SLC9B2: variants seen among roughly 807,000 people sequenced by gnomAD.
SLC9B2 encodes sodium/hydrogen exchanger 9B2.
Under a neutral mutation model 52.2 loss-of-function variants are expected in SLC9B2, and 39 were observed. The observed-to-expected ratio is 0.75, with a 90% CI of 0.58 to 0.98. The LOEUF is 0.98. SLC9B2 is among the 50% of genes least tolerant of loss of function. The probability of loss-of-function intolerance (pLI) is 0.00; values close to 1 mark genes in which losing one functional copy is unlikely to be tolerated. For synonymous variants in SLC9B2, 214 were observed against 227.0 expected (o/e 0.94, Z 0.51); for missense variants, 626 against 637.5 (o/e 0.98, Z 0.19).
At chr4:103,018,151 A>C (rs1741494304), downstream of SLC9B2, among the ~76,000 whole-genome samples, 4 of 152,362 alleles carry the variant, frequency 2.6e-5, no homozygotes, top group South Asian at 8.3e-4. Context: ...AAGTGTTTAA[A>C]CAGGATGAGT....
intron 11 of SLC9B2, among the ~76,000 whole-genome samples, chr4:103,028,066 A>G (rs1406499996): frequency 5.9e-5 from 9 of 152,174 alleles, no homozygotes; most frequent in Non-Finnish European, 8.8e-5. Flanking sequence ...TACAGTTCTA[A>G]CTTAATTAGC....
In SLC9B2 at chr4:103,031,587, C is replaced by T. The variant is rs1742703634; in HGVS notation, c.1255+113G>A. ...TATATAATTGTGACAATAGTAACCA[C>T]TGTACACATACCTGCTGGAGATATT... On this transcript the variant is annotated intron_variant, in intron 10 of 11. Coordinates refer to ENST00000394785, the MANE Select transcript of SLC9B2 (RefSeq NM_178833.7). The T allele has an allele frequency of 4.3e-5, 31 of 716,480 alleles. No individual in the cohort carries two copies. In the South Asian group the frequency reaches 5.5e-4, roughly 13 times the overall value. 44.4% of individuals were successfully genotyped at this position (716,480 alleles called of 1,614,324 possible). A position where few individuals can be genotyped will look rare whatever the true frequency, so the allele number is the denominator to read the frequency against.
rs1041508519 is a variant in SLC9B2, at chr4:103,054,130, G to A, written c.442+3671C>T. Among the ~76,000 whole-genome samples, 5 of 152,192 alleles carry A rather than the reference G, an allele frequency of 3.3e-5. No homozygotes were observed. In the East Asian group the frequency reaches 9.7e-4, roughly 29 times the overall value. ...CTGTCTCTGCAAAAATAAAAAAGGTGTAGGGACATGTGCCTGTAGTCCCAG... is the reference window on the plus strand; with the variant it reads ...CTGTCTCTGCAAAAATAAAAAAGGTATAGGGACATGTGCCTGTAGTCCCAG... On this transcript the variant is annotated intron_variant, in intron 4 of 11. Coordinates refer to ENST00000394785, the MANE Select transcript of SLC9B2 (RefSeq NM_178833.7).
chr4:103,031,642 G>T, intron 10 of SLC9B2, 58 bp downstream of exon 10: 2 of 1,281,924 alleles, frequency 1.6e-6, no homozygotes, highest in Non-Finnish European at 2.3e-6. Flanking sequence ...GACTTTATTG[G>T]TGAGTAGGCT....
intron 9 of SLC9B2, among the ~76,000 whole-genome samples, chr4:103,035,018 C>T (rs1046416178): frequency 6.6e-6 from 1 of 152,050 alleles, no homozygotes; most frequent in Non-Finnish European, 1.5e-5. Context: ...GGCACATGTG[C>T]AGGTTTGTTA....
chr4:103,075,492 T>A (rs543248840), intron 1 of SLC9B2, among the ~76,000 whole-genome samples: 7 of 152,316 alleles, frequency 4.6e-5, no homozygotes, highest in Non-Finnish European at 1.0e-4. Context: ...TAAGGGATGG[T>A]CAGAGACTGA....
intron 9 of SLC9B2, among the ~76,000 whole-genome samples, chr4:103,041,081 G>A (rs1422216053): frequency 6.6e-6 from 1 of 152,030 alleles, no homozygotes; most frequent in Non-Finnish European, 1.5e-5. Flanking sequence ...AATATGTGTC[G>A]AAAACCTCAA....
chr4:103,061,092 C>T (rs1745600506), intron 3 of SLC9B2, among the ~76,000 whole-genome samples: 1 of 152,194 alleles, frequency 6.6e-6, no homozygotes, highest in South Asian at 2.1e-4. Context: ...CTCTCAAAAT[C>T]AATCTCAAAT....
At chr4:103,074,816 CT>C (rs1746968038) in intron 1 of SLC9B2, among the ~76,000 whole-genome samples, 1 of 152,204 alleles carries the variant, frequency 6.6e-6, no homozygotes, top group South Asian at 2.1e-4. Context: ...AGTTTCATTT[CT>C]GCTTTTTCTA....
At chr4:103,069,304 A>G (rs1335822916) in intron 1 of SLC9B2, among the ~76,000 whole-genome samples, 1 of 152,206 alleles carries the variant, frequency 6.6e-6, no homozygotes, top group Non-Finnish European at 1.5e-5. Flanking sequence ...GAGTTAGGAT[A>G]TCATATCTCA....
intron 3 of SLC9B2, among the ~76,000 whole-genome samples, chr4:103,060,533 T>G (rs915691276): frequency 4.3e-5 from 6 of 140,732 alleles, no homozygotes; most frequent in South Asian, 2.2e-4. Context: ...TGCATGTTTT[T>G]TTTGTTTGTT....
intron 2 of SLC9B2, among the ~76,000 whole-genome samples, chr4:103,067,016 A>G (rs1746194411): frequency 1.3e-5 from 2 of 152,032 alleles, no homozygotes. Flanking sequence ...CAAGACACTT[A>G]TAGTCCCAAG....
intron 4 of SLC9B2, among the ~76,000 whole-genome samples, chr4:103,054,391 G>A (rs1328020307): frequency 6.6e-6 from 1 of 152,158 alleles, no homozygotes; most frequent in African/African-American, 2.4e-5. Flanking sequence ...CAGAATCTCA[G>A]GCCATGAAGA....
At chr4:103,048,109 A>G (rs187052813) in intron 6 of SLC9B2, among the ~76,000 whole-genome samples, 1 of 152,344 alleles carries the variant, frequency 6.6e-6, no homozygotes, top group African/African-American at 2.4e-5. Flanking sequence ...AGATTAGAAG[A>G]AAACGATATG....
At chr4:103,027,931 A>C (rs1316263060) in intron 11 of SLC9B2, among the ~76,000 whole-genome samples, 1 of 152,196 alleles carries the variant, frequency 6.6e-6, no homozygotes, top group East Asian at 1.9e-4. Context: ...TAATTCCTTA[A>C]TAACAGAAAT....
intron 1 of SLC9B2, among the ~76,000 whole-genome samples, chr4:103,070,382 T>C (rs1487647614): frequency 6.6e-6 from 1 of 152,242 alleles, no homozygotes; most frequent in East Asian, 1.9e-4. Flanking sequence ...TTATTCTCCT[T>C]ACTCATAGAG....
rs372137806 is a variant in SLC9B2, at chr4:103,050,389, C to T, written c.443-7G>A. 1.4e-4 allele frequency: 226 copies of T among 1,568,358 alleles called. 3 individuals are homozygous for T. Among genetic ancestry groups the T allele is most frequent in the Middle Eastern group, 1.7e-4 (1 of 5,880 alleles). On this transcript the variant is annotated splice_region_variant and splice_polypyrimidine_tract_variant and intron_variant, in intron 4 of 11. Transcript: ENST00000394785. ...AACCCTGCAAGCAGCATGCCTTGAA[C>T]GAAGAAATCAAACATATCTAGTTAG... is the stretch of plus-strand genomic sequence containing the variant.
At chr4:103,046,730 G>GAAGTCTCCACACATCTTTTGTC (rs1744165329) in intron 7 of SLC9B2, among the ~76,000 whole-genome samples, 1 of 148,908 alleles carries the variant, frequency 6.7e-6, no homozygotes, top group Non-Finnish European at 1.5e-5. Flanking sequence ...CATCTTTTGT[G>GAAGTCTCCACACATCTTTTGTC]TGAAGTCTCC....
At chr4:103,046,910 T>TA in intron 7 of SLC9B2, 141 bp downstream of exon 7, 1 of 949,684 alleles carries the variant, frequency 1.1e-6, no homozygotes, top group Non-Finnish European at 1.5e-6. Flanking sequence ...GGACCCTCCT[T>TA]AGGTACAGAA....
Sources: allele counts gnomAD v4.1 joint callset (sites outside exome capture counted in the v4.1 genomes callset), GRCh38; gene constraint gnomAD v4.1.1; transcripts MANE v1.5; gene names NCBI Gene and HGNC (gene_info 2026-07-23, HGNC 2026-07-21).